The following GFRA2 variants were observed in gnomAD, a reference collection of about 807,000 sequenced individuals.
The protein encoded by GFRA2 is GDNF family receptor alpha-2.
GFRA2 carries 17 observed loss-of-function variants against 48.3 expected under a neutral mutation model. The observed-to-expected ratio is 0.35, with a 90% CI of 0.24 to 0.53. The LOEUF is 0.53. Ranked by LOEUF, GFRA2 falls within the 20% of genes least tolerant of loss-of-function variation. The pLI, the probability that GFRA2 is intolerant of heterozygous loss-of-function variation, is 0.93. For synonymous variants in GFRA2, 305 were observed against 257.2 expected, an observed-to-expected ratio of 1.19 and a Z score of -1.78; for missense variants, 660 against 637.3, an observed-to-expected ratio of 1.04 and a Z score of -0.38.
chr8:21,718,910 GC>G (rs1402547363), intron 4 of GFRA2, among the ~76,000 whole-genome samples: 1 of 126,052 alleles, frequency 7.9e-6, no homozygotes. Flanking sequence ...ACTCTGCCCA[GC>G]CCCCTACCCA....
Position 21,693,033 on chromosome 8 carries a change from G to A in GFRA2, c.*245C>T, listed in dbSNP as rs754512956. 17 of 347,830 alleles carry A rather than the reference G, an allele frequency of 4.9e-5. No homozygotes were observed. The highest frequency in any genetic ancestry group is 2.7e-4 in the East Asian group (5 of 18,262). 21.5% of individuals were successfully genotyped at this position (347,830 alleles called of 1,614,324 possible). Reference sequence around the variant, plus strand: ...ATTTCTAGAGCCTCGTGCCCTCCCCGGCACCAGAGTTTCCCCTGCCAGGGG... The same window carrying A: ...ATTTCTAGAGCCTCGTGCCCTCCCCAGCACCAGAGTTTCCCCTGCCAGGGG... On this transcript the variant is annotated 3_prime_UTR_variant, in exon 9 of 9. Transcript: ENST00000524240.
intron 2 of GFRA2, among the ~76,000 whole-genome samples, chr8:21,801,470 T>C (rs1807768783): frequency 6.6e-6 from 1 of 152,004 alleles, no homozygotes; most frequent in African/African-American, 2.4e-5. Context: ...ACAGGCACCG[T>C]TATGGGCCCA....
intron 4 of GFRA2, among the ~76,000 whole-genome samples, chr8:21,732,761 C>G (rs774182805): frequency 5.3e-4 from 81 of 152,322 alleles, no homozygotes; most frequent in Non-Finnish European, 1.0e-3. Context: ...GTAAACACCC[C>G]CTAGAGTATT....
intron 4 of GFRA2, among the ~76,000 whole-genome samples, chr8:21,708,619 A>G (rs1802865743): frequency 6.6e-6 from 1 of 152,224 alleles, no homozygotes. Context: ...ACAGTGGATT[A>G]GGGTGGGCCC....
At chr8:21,732,063 C>T (rs569075607) in intron 4 of GFRA2, among the ~76,000 whole-genome samples, 2 of 152,314 alleles carry the variant, frequency 1.3e-5, no homozygotes, top group Admixed American at 1.3e-4. Context: ...AGGCCCTGGG[C>T]CCAATGCAGG....
At chr8:21,805,334 C>T (rs1027104835) in intron 1 of GFRA2, among the ~76,000 whole-genome samples, 1 of 152,146 alleles carries the variant, frequency 6.6e-6, no homozygotes, top group Non-Finnish European at 1.5e-5. Context: ...GTAGCCCCAA[C>T]CAAATGGAAA....
chr8:21,708,078 C>T (rs932938842), intron 4 of GFRA2, among the ~76,000 whole-genome samples: 5 of 152,202 alleles, frequency 3.3e-5, no homozygotes, highest in African/African-American at 1.2e-4. Context: ...ACAAGGTGGG[C>T]ACCATTTCTG....
At chr8:21,724,441 G>A (rs556458221) in intron 4 of GFRA2, among the ~76,000 whole-genome samples, 5 of 152,264 alleles carry the variant, frequency 3.3e-5, no homozygotes, top group South Asian at 2.1e-4. Context: ...GAGGAAAGTC[G>A]ACCAGTGGCA....
intron 4 of GFRA2, among the ~76,000 whole-genome samples, chr8:21,749,331 G>A (rs112275342): frequency 0.011 from 1,603 of 151,528 alleles, 29 homozygotes; most frequent in African/African-American, 0.038. Context: ...TTGGACCTAC[G>A]TTATGTCATC....
intron 4 of GFRA2, among the ~76,000 whole-genome samples, chr8:21,723,293 T>G (rs142378324): frequency 7.3e-4 from 111 of 152,304 alleles, no homozygotes; most frequent in African/African-American, 2.5e-3. Context: ...AGGTTCTTCA[T>G]GTCTTCTACT....
At chr8:21,779,342 C>T (rs943434134) in intron 2 of GFRA2, among the ~76,000 whole-genome samples, 3 of 152,314 alleles carry the variant, frequency 2.0e-5, no homozygotes, top group Admixed American at 6.5e-5. Flanking sequence ...ACAGTCCTCC[C>T]GTGGCCTGAT....
chr8:21,740,564 C>T (rs1378991969), intron 4 of GFRA2, among the ~76,000 whole-genome samples: 1 of 152,134 alleles, frequency 6.6e-6, no homozygotes, highest in African/African-American at 2.4e-5. Context: ...CCTAGAATAC[C>T]ATAATAACAG....
At chr8:21,748,604 G>A (rs967014914) in intron 4 of GFRA2, among the ~76,000 whole-genome samples, 5 of 152,154 alleles carry the variant, frequency 3.3e-5, no homozygotes, top group Admixed American at 6.5e-5. Flanking sequence ...GCTGGAATCC[G>A]ACTCTGAAAT....
chr8:21,775,855 G>A (rs958552700), intron 2 of GFRA2, among the ~76,000 whole-genome samples: 1 of 152,100 alleles, frequency 6.6e-6, no homozygotes, highest in Non-Finnish European at 1.5e-5. Context: ...GGAGATGGAT[G>A]GCCCAGGGCT....
chr8:21,739,107 A>AG (rs1178400281), intron 4 of GFRA2, among the ~76,000 whole-genome samples: 1 of 152,182 alleles, frequency 6.6e-6, no homozygotes, highest in Non-Finnish European at 1.5e-5. Context: ...CATGCTCCGA[A>AG]GGGTTCCTCC....
chr8:21,804,048 C>A (rs1289373162), intron 2 of GFRA2, among the ~76,000 whole-genome samples: 1 of 152,156 alleles, frequency 6.6e-6, no homozygotes, highest in Non-Finnish European at 1.5e-5. Flanking sequence ...AAGAACAAGT[C>A]AAAGGTTCTT....
At chr8:21,784,252 T>G (rs1807157215) in intron 1 of GFRA2, 1 of 454,472 alleles carries the variant, frequency 2.2e-6, no homozygotes. Context: ...GTCTTCCCAG[T>G]CCCCCTGTCC....
intron 1 of GFRA2, among the ~76,000 whole-genome samples, chr8:21,806,557 C>T (rs535995747): frequency 1.4e-4 from 21 of 152,266 alleles, no homozygotes; most frequent in Non-Finnish European, 2.2e-4. Context: ...CCCAGGACCC[C>T]GGACTCAAGC....
intron 4 of GFRA2, among the ~76,000 whole-genome samples, chr8:21,739,998 C>G (rs1211487180): frequency 6.6e-6 from 1 of 152,210 alleles, no homozygotes; most frequent in African/African-American, 2.4e-5. Context: ...CGTGGCCCCT[C>G]CAAGCCCAGG....
Sources: allele counts gnomAD v4.1 joint callset (sites outside exome capture counted in the v4.1 genomes callset), GRCh38; gene constraint gnomAD v4.1.1; transcripts MANE v1.5; gene names NCBI Gene and HGNC (gene_info 2026-07-23, HGNC 2026-07-21).